KSR2: variants seen among roughly 807,000 people sequenced by gnomAD.
The protein encoded by KSR2 is kinase suppressor of ras 2.
Under a neutral mutation model 107.8 loss-of-function variants are expected in KSR2, and 25 were observed. That is an observed-to-expected ratio of 0.23 (90% CI 0.17 to 0.32). The LOEUF is 0.32. Ranked by LOEUF, KSR2 falls within the 10% of genes least tolerant of loss-of-function variation. KSR2 has a pLI of 1.00. For missense variants in KSR2, 887 were observed against 1,268.9 expected (o/e 0.70, Z 4.57); for synonymous variants, 480 against 507.0 (o/e 0.95, Z 0.71).
chr12:117,792,063 G>A (rs960307954), intron 3 of KSR2, among the ~76,000 whole-genome samples: 9 of 152,232 alleles, frequency 5.9e-5, no homozygotes, highest in East Asian at 1.9e-4. Context: ...TTGGCCAAGC[G>A]CAGTGGCTCA....
chr12:117,754,637 CAA>C (rs71450230), intron 4 of KSR2, among the ~76,000 whole-genome samples: 38 of 139,130 alleles, frequency 2.7e-4, no homozygotes, highest in African/African-American at 6.3e-4. Context: ...GGCTCCATCT[CAA>C]AAAAAAAAAA....
At chr12:117,835,501 G>A (rs1306630972) in intron 3 of KSR2, among the ~76,000 whole-genome samples, 1 of 152,080 alleles carries the variant, frequency 6.6e-6, no homozygotes, top group East Asian at 1.9e-4. Flanking sequence ...CTTTCATCTG[G>A]CCTCAGAATA....
intron 7 of KSR2, among the ~76,000 whole-genome samples, chr12:117,569,149 A>C (rs1325578090): frequency 1.3e-5 from 2 of 152,128 alleles, no homozygotes; most frequent in East Asian, 3.8e-4. Context: ...GCGATTTTGC[A>C]AAAAAATTGG....
Position 117,525,121 on chromosome 12 carries a change from G to C in KSR2, c.1950C>G (p.Ser650Arg), listed in dbSNP as rs777698881. ...ACTCCTGAAGGAAGATGCTGGTCTG[G>C]CTGGCCTTGCGTGGGAAGCTCCGGG... ...LSARSFPRKA[S>R]QTSIFLQEWD... is the part of the protein sequence containing the mutation. The change falls in exon 14 of 20, where the codon AGC becomes AGG. Residue 650 changes from serine to arginine, a missense_variant. By Grantham distance (110) the Ser-to-Arg change is moderately radical. Around this residue, in one of 8 missense-constraint regions of KSR2, gnomAD observed 308 missense variants for 506.2 expected, o/e 0.61. Transcript: ENST00000339824. 6.2e-7 allele frequency: 1 copy of C among 1,613,894 alleles called. No homozygotes were observed. The highest frequency in any genetic ancestry group is 1.3e-5 in the African/African-American group (1 of 74,942).
At chr12:117,639,658 A>ATTATTAT (rs139711049) in intron 5 of KSR2, among the ~76,000 whole-genome samples, 5,636 of 102,810 alleles carry the variant, frequency 0.055, 140 homozygotes, top group African/African-American at 0.099. Context: ...TATTATTATT[A>ATTATTAT]TATTATTTTA....
At chr12:117,768,785 A>T (rs575946453) in intron 3 of KSR2, among the ~76,000 whole-genome samples, 1 of 152,360 alleles carries the variant, frequency 6.6e-6, no homozygotes, top group African/African-American at 2.4e-5. Flanking sequence ...AGACCCACGG[A>T]ACAATCCAAC....
chr12:117,704,049 T>G (rs977725102), intron 4 of KSR2, among the ~76,000 whole-genome samples: 2 of 152,184 alleles, frequency 1.3e-5, no homozygotes, highest in Non-Finnish European at 2.9e-5. Flanking sequence ...CACTGCTTCC[T>G]ATGGGGTTCC....
At chr12:117,688,209 G>A (rs191164928) in intron 4 of KSR2, among the ~76,000 whole-genome samples, 10 of 152,212 alleles carry the variant, frequency 6.6e-5, no homozygotes, top group Middle Eastern at 3.4e-3. Context: ...GTAAAACCCC[G>A]TCTCTACGAA....
At chr12:117,921,107 T>G (rs1008843838) in intron 1 of KSR2, among the ~76,000 whole-genome samples, 2 of 152,210 alleles carry the variant, frequency 1.3e-5, no homozygotes, top group Admixed American at 6.5e-5. Context: ...GACTTTAACT[T>G]CTTATTTAAT....
intron 3 of KSR2, among the ~76,000 whole-genome samples, chr12:117,804,125 C>T (rs1890931064): frequency 6.6e-6 from 1 of 152,198 alleles, no homozygotes; most frequent in South Asian, 2.1e-4. Context: ...TCACTGCAAC[C>T]TCTGCCTCCC....
intron 3 of KSR2, among the ~76,000 whole-genome samples, chr12:117,814,092 A>T (rs1354895296): frequency 6.6e-6 from 1 of 152,202 alleles, no homozygotes; most frequent in African/African-American, 2.4e-5. Context: ...AAAGTAGATG[A>T]GAGGATAACA....
intron 1 of KSR2, among the ~76,000 whole-genome samples, chr12:117,886,624 C>A (rs1381659968): frequency 1.3e-5 from 2 of 152,136 alleles, no homozygotes; most frequent in South Asian, 4.1e-4. Flanking sequence ...AATGAAATCA[C>A]CTAACAATGC....
chr12:117,943,496 T>C (rs1896072722), intron 1 of KSR2, among the ~76,000 whole-genome samples: 1 of 72,656 alleles, frequency 1.4e-5, no homozygotes. Context: ...CTTATCCACC[T>C]AGCCAAAAAA....
intron 3 of KSR2, among the ~76,000 whole-genome samples, chr12:117,792,990 C>G (rs182235172): frequency 0.011 from 1,633 of 146,908 alleles, 37 homozygotes; most frequent in African/African-American, 0.039. Context: ...CTCACACCAA[C>G]ATGCACGCAC....
intron 3 of KSR2, among the ~76,000 whole-genome samples, chr12:117,772,751 G>A (rs974479711): frequency 1.1e-4 from 16 of 150,426 alleles, no homozygotes; most frequent in African/African-American, 2.9e-4. Context: ...CACCAAAGAC[G>A]CACACACACA....
intron 4 of KSR2, among the ~76,000 whole-genome samples, chr12:117,705,617 A>G (rs897422749): frequency 6.6e-6 from 1 of 152,226 alleles, no homozygotes; most frequent in Non-Finnish European, 1.5e-5. Context: ...GCCTGGTGAC[A>G]GGTTCCATCT....
chr12:117,927,388 CAA>C (rs55995726), intron 1 of KSR2, among the ~76,000 whole-genome samples: 1 of 137,702 alleles, frequency 7.3e-6, no homozygotes, highest in African/African-American at 2.7e-5. Context: ...AAAATAACAA[CAA>C]AAAAAAAAGG....
intron 3 of KSR2, among the ~76,000 whole-genome samples, chr12:117,794,280 A>C (rs1890492390): frequency 1.4e-5 from 1 of 70,562 alleles, no homozygotes; most frequent in African/African-American, 8.3e-5. Context: ...CACACACACC[A>C]ACATGCACTC....
At chr12:117,834,573 C>A (rs1892121664) in intron 3 of KSR2, among the ~76,000 whole-genome samples, 1 of 152,084 alleles carries the variant, frequency 6.6e-6, no homozygotes, top group Non-Finnish European at 1.5e-5. Flanking sequence ...CAGGAGAAGC[C>A]CAAACATAGC....
Sources: gnomAD v4.1 joint callset for allele counts (sites outside exome capture counted in the v4.1 genomes callset) on GRCh38, gnomAD v4.1.1 for gene constraint, gnomAD v4.1.1 regional missense constraint, MANE v1.5 for transcripts, NCBI Gene and HGNC (gene_info 2026-07-23, HGNC 2026-07-21) for gene names.